The following RICTOR variants were observed in gnomAD, a reference collection of about 807,000 sequenced individuals.
The protein encoded by RICTOR is rapamycin-insensitive companion of mTOR.
A neutral mutation model predicts 214.9 loss-of-function variants in RICTOR; 49 were observed. That is an observed-to-expected ratio of 0.23 (90% CI 0.18 to 0.29). The LOEUF (loss-of-function observed/expected upper bound fraction) is 0.29. Among genes scored for constraint, RICTOR ranks in the 10% least tolerant of loss-of-function variants. RICTOR has a pLI of 1.00. For missense variants in RICTOR, 1,625 were observed against 2,047.0 expected, an observed-to-expected ratio of 0.79 and a Z score of 3.98; for synonymous variants, 717 against 711.3, an observed-to-expected ratio of 1.01 and a Z score of -0.13.
Position 38,962,329 on chromosome 5 carries a change from A to G in RICTOR, c.1701T>C (p.Asp567=). 1 of 1,427,596 alleles carries G rather than the reference A, an allele frequency of 7.0e-7. No homozygotes were observed. Among genetic ancestry groups the G allele is most frequent in the South Asian group, 1.2e-5 (1 of 81,574 alleles). 88.4% of individuals were successfully genotyped at this position (1,427,596 alleles called of 1,614,324 possible). A position where few individuals can be genotyped will look rare whatever the true frequency, so the allele number is the denominator to read the frequency against. Residue 567 remains aspartate (D), a synonymous_variant, in exon 19 of 38, where the codon GAT becomes GAC. Transcript: ENST00000357387. ...TTCTTACATACCTGTGTAACTGTTC[A>G]TCTTTATAGTTTCTTAGATTTACAT... is the stretch of plus-strand genomic sequence containing the variant. The part of the protein sequence containing the change: ...WPNVNLRNYK[D]EQLHRFVRRL...
intron 2 of RICTOR, among the ~76,000 whole-genome samples, chr5:39,066,495 C>A (rs1253557253): frequency 6.6e-6 from 1 of 152,242 alleles, no homozygotes; most frequent in Non-Finnish European, 1.5e-5. Context: ...TTTAATTATG[C>A]AAATATCTCT....
At chr5:38,968,284 T>C (rs1399941668) in intron 11 of RICTOR, among the ~76,000 whole-genome samples, 1 of 152,186 alleles carries the variant, frequency 6.6e-6, no homozygotes, top group African/African-American at 2.4e-5. Context: ...GCAATATTAC[T>C]GAACTGTTTG....
At position 38,987,424 on chromosome 5, in the gene RICTOR, CT is replaced by C. The variant is rs766187731; in HGVS notation, c.583+3524del. On this transcript the variant is annotated intron_variant, in intron 7 of 37. Coordinates refer to ENST00000357387, the MANE Select transcript of RICTOR (RefSeq NM_152756.5). ...GAACTTGTTATTTTCTATTCTTCTTCTTGGTTTAGTCTTGGGAGGGCGTATG... is the reference window on the plus strand; with the variant it reads ...GAACTTGTTATTTTCTATTCTTCTTCTGGTTTAGTCTTGGGAGGGCGTATG... Among the ~76,000 whole-genome samples, 155 of 151,950 alleles carry C rather than the reference CT, an allele frequency of 1.0e-3. 1 individual carries two copies. The Middle Eastern group carries it at 0.01, about 10-fold the overall frequency.
At chr5:38,943,015 G>A (rs770251062) in intron 36 of RICTOR, 44 bp from the exon 37 acceptor site, 1 of 1,450,410 alleles carries the variant, frequency 6.9e-7, no homozygotes, top group South Asian at 1.2e-5. Context: ...TAATCATGAT[G>A]TATCTATTTT....
At chr5:39,036,935 A>G (rs181743688) in intron 2 of RICTOR, among the ~76,000 whole-genome samples, 1 of 152,178 alleles carries the variant, frequency 6.6e-6, no homozygotes, top group South Asian at 2.1e-4. Context: ...AAGGATACCC[A>G]GGAATTGAAC....
At chr5:38,949,459 C>T in intron 31 of RICTOR, 1 of 1,537,792 alleles carries the variant, frequency 6.5e-7, no homozygotes, top group Non-Finnish European at 8.8e-7. Flanking sequence ...TAAAAAAAAG[C>T]TTGTGACTTG....
At chr5:39,006,333 T>C (rs1754049145) in intron 3 of RICTOR, among the ~76,000 whole-genome samples, 1 of 152,192 alleles carries the variant, frequency 6.6e-6, no homozygotes, top group Non-Finnish European at 1.5e-5. Flanking sequence ...TGGATGAATA[T>C]ATGCCAGTTT....
chr5:38,990,718 GAT>G (rs1446713320), intron 7 of RICTOR, among the ~76,000 whole-genome samples: 1 of 15,972 alleles, frequency 6.3e-5, no homozygotes, highest in Non-Finnish European at 1.5e-4. Flanking sequence ...TGATATATAT[GAT>G]ATATATCATA....
In RICTOR at chr5:38,942,345, G is replaced by A; in HGVS notation, c.5086C>T (p.Pro1696Ser). Residue 1696 changes from proline (P) to serine (S), a missense_variant, in exon 38 of 38, where the codon CCA becomes TCA. By Grantham distance (74) the Pro-to-Ser change is moderately conservative (BLOSUM62 -1). Transcript: ENST00000357387. ...HEEAEAVLAT[P>S]PKQPIVDTSA... is the part of the protein sequence containing the mutation. ...GTATCAACTATAGGTTGCTTTGGTG[G>A]TGTTGCCAACACAGCCTCTGCTTCT... 1.9e-6 allele frequency: 3 copies of A among 1,598,328 alleles called. No individual in the cohort carries two copies. The highest frequency in any genetic ancestry group is 2.6e-6 in the Non-Finnish European group (3 of 1,169,686).
intron 15 of RICTOR, among the ~76,000 whole-genome samples, chr5:38,965,272 T>C (rs1029897254): frequency 6.6e-6 from 1 of 152,012 alleles, no homozygotes; most frequent in African/African-American, 2.4e-5. Flanking sequence ...AGATGCCATA[T>C]CCAAATTTAT....
chr5:38,990,543 TACACG>T (rs1348093838), intron 7 of RICTOR, among the ~76,000 whole-genome samples: 1,524 of 144,266 alleles, frequency 0.011, 104 homozygotes, highest in African/African-American at 0.039. Context: ...ATACGATATA[TACACG>T]ATATACACGA....
At chr5:38,960,696 G>A (rs1362411396) in intron 19 of RICTOR, among the ~76,000 whole-genome samples, 163 bp from the exon 20 acceptor site, 1 of 152,072 alleles carries the variant, frequency 6.6e-6, no homozygotes, top group Admixed American at 6.6e-5. Flanking sequence ...ACATGATATG[G>A]TCTGCCTGTG....
chr5:38,944,887 G>T, intron 35 of RICTOR, 26 bp downstream of exon 35: 1 of 1,604,168 alleles, frequency 6.2e-7, no homozygotes, highest in Non-Finnish European at 8.5e-7. Flanking sequence ...TACTAATAAT[G>T]ATTGGATTTG....
At chr5:38,990,339 T>A (rs1331822635) in intron 7 of RICTOR, among the ~76,000 whole-genome samples, 3 of 150,666 alleles carry the variant, frequency 2.0e-5, no homozygotes, top group Admixed American at 2.0e-4. Flanking sequence ...CCGGGGCCTA[T>A]CAGGGGTCGG....
chr5:39,057,106 C>A (rs899307574), intron 2 of RICTOR, among the ~76,000 whole-genome samples: 6 of 152,110 alleles, frequency 3.9e-5, no homozygotes, highest in African/African-American at 1.4e-4. Context: ...TTAATAACTT[C>A]CCAAATTTGA....
At chr5:39,007,900 A>G (rs947125886) in intron 3 of RICTOR, among the ~76,000 whole-genome samples, 6 of 150,586 alleles carry the variant, frequency 4.0e-5, no homozygotes, top group Admixed American at 4.0e-4. Flanking sequence ...GGGATTGAAA[A>G]CTGAAAATAT....
chr5:38,962,688 A>T (rs1230520851), intron 17 of RICTOR, 102 bp from the exon 18 acceptor site: 1 of 805,934 alleles, frequency 1.2e-6, no homozygotes, highest in Non-Finnish European at 2.0e-6. Flanking sequence ...TTTCCATTTA[A>T]GGATAGATCA....
intron 28 of RICTOR, 135 bp downstream of exon 28, chr5:38,953,326 G>T: frequency 1.9e-6 from 1 of 531,418 alleles, no homozygotes; most frequent in Non-Finnish European, 3.4e-6. Flanking sequence ...CACTTATATT[G>T]GCAGGAACAA....
At position 39,007,399 on chromosome 5, in the gene RICTOR, A is replaced by T. The variant is rs150115767; in HGVS notation, c.196-3777T>A. Among the ~76,000 whole-genome samples, 660 of 152,250 alleles carry T rather than the reference A, an allele frequency of 4.3e-3. 2 individuals are homozygous for T. Among genetic ancestry groups the T allele is most frequent in the Non-Finnish European group, 7.0e-3 (473 of 68,014 alleles). On this transcript the variant is annotated intron_variant, in intron 3 of 37. Coordinates refer to ENST00000357387, the MANE Select transcript of RICTOR (RefSeq NM_152756.5). ...TATATTAGATTAGGCCCACCCACCC[A>T]TATGACCACATTTTTCTTTAATTAT...
Sources: allele counts gnomAD v4.1 joint callset (sites outside exome capture counted in the v4.1 genomes callset), GRCh38; gene constraint gnomAD v4.1.1; transcripts MANE v1.5; gene names NCBI Gene and HGNC (gene_info 2026-07-23, HGNC 2026-07-21).